The following MEGF10 variants were observed in gnomAD, a reference collection of about 807,000 sequenced individuals.
The protein encoded by MEGF10 is multiple epidermal growth factor-like domains protein 10.
In MEGF10, 86 loss-of-function variants were observed where a neutral mutation model predicts 147.5. The ratio of observed to expected loss-of-function variants is 0.58; its 90% CI spans 0.49 to 0.70. The LOEUF is 0.70. Among genes scored for constraint, MEGF10 ranks in the 30% least tolerant of loss-of-function variants. The pLI is 0.00. For synonymous variants in MEGF10, 478 were observed against 525.5 expected (o/e 0.91, Z 1.24); for missense variants, 1,329 against 1,487.3 (o/e 0.89, Z 1.75).
chr5:127,300,085 C>G lies in MEGF10; in HGVS notation c.-19+9029C>G, dbSNP rs889074851. The G allele has an allele frequency of 2.0e-5, 3 of 152,286 alleles. No homozygotes were observed. The East Asian group carries it at 5.8e-4, about 29-fold the overall frequency. 9.4% of individuals were successfully genotyped at this position (152,286 alleles called of 1,614,324 possible). A position where few individuals can be genotyped will look rare whatever the true frequency, so the allele number is the denominator to read the frequency against. ...TTTTCTTCATTATGTTTTCATTCCC[C>G]CCCTCTGTTACAGTTTGTTTCTTCT... On this transcript the variant is annotated intron_variant, in intron 1 of 24. Coordinates refer to ENST00000503335, the MANE Select transcript of MEGF10 (RefSeq NM_001256545.2).
At chr5:127,253,797 A>C in the MEGF10 span, among the ~76,000 whole-genome samples, 5 of 152,084 alleles carry the variant, frequency 3.3e-5, no homozygotes. Flanking sequence ...GAGAATAGAA[A>C]AGAAGTCTCA....
chr5:127,378,797 C>G (rs981659367), intron 5 of MEGF10, among the ~76,000 whole-genome samples: 1 of 152,040 alleles, frequency 6.6e-6, no homozygotes, highest in Admixed American at 6.5e-5. Context: ...TCCACAGTTG[C>G]TTGCCACAAG....
chr5:127,363,458 T>G (rs1425173717), intron 4 of MEGF10, among the ~76,000 whole-genome samples: 5 of 152,214 alleles, frequency 3.3e-5, no homozygotes, highest in African/African-American at 1.2e-4. Context: ...TTCAGCCATG[T>G]CTTCACACCG....
At chr5:127,419,865 G>A (rs1561635739) in intron 11 of MEGF10, among the ~76,000 whole-genome samples, 179 bp from the exon 12 acceptor site, 1 of 152,274 alleles carries the variant, frequency 6.6e-6, no homozygotes, top group East Asian at 1.9e-4. Context: ...TGGGTCGTCA[G>A]GGGTGCCTTC....
chr5:127,309,335 G>A (rs918962116), intron 1 of MEGF10, among the ~76,000 whole-genome samples: 10 of 152,118 alleles, frequency 6.6e-5, no homozygotes, highest in African/African-American at 2.4e-4. Flanking sequence ...GTGGTTCTGT[G>A]GCATTTTAAA....
At chr5:127,351,257 T>G (rs772721003) in intron 4 of MEGF10, among the ~76,000 whole-genome samples, 2 of 152,134 alleles carry the variant, frequency 1.3e-5, no homozygotes, top group African/African-American at 2.4e-5. Flanking sequence ...AAAGAGAAAA[T>G]AAATCATTCA....
chr5:127,297,010 A>C (rs1174789828), intron 1 of MEGF10, among the ~76,000 whole-genome samples: 1 of 152,122 alleles, frequency 6.6e-6, no homozygotes, highest in Non-Finnish European at 1.5e-5. Context: ...CTTGTTGCCC[A>C]GGCTGGAGTG....
the MEGF10 span, among the ~76,000 whole-genome samples, chr5:127,233,486 C>G: frequency 0.47 from 70,848 of 152,136 alleles, 16,891 homozygotes; most frequent in Middle Eastern, 0.56. Context: ...TGAAGTAAGG[C>G]GGCAATTAGC....
At chr5:127,283,989 A>T in the MEGF10 span, among the ~76,000 whole-genome samples, 2 of 152,338 alleles carry the variant, frequency 1.3e-5, no homozygotes, top group South Asian at 4.1e-4. Context: ...GATTGCCTTA[A>T]ATCTGTGAAG....
At chr5:127,258,691 C>T in the MEGF10 span, among the ~76,000 whole-genome samples, 16 of 152,260 alleles carry the variant, frequency 1.1e-4, no homozygotes, top group Admixed American at 4.6e-4. Flanking sequence ...CCCTAATGAA[C>T]GGACTAATGC....
intron 1 of MEGF10, among the ~76,000 whole-genome samples, chr5:127,292,754 C>A (rs1759318735): frequency 6.6e-6 from 1 of 152,150 alleles, no homozygotes; most frequent in Non-Finnish European, 1.5e-5. Flanking sequence ...CCTTGGAAAT[C>A]CTTTACATTA....
chr5:127,286,114 A>T (rs1258010824), upstream of MEGF10, among the ~76,000 whole-genome samples: 1 of 152,072 alleles, frequency 6.6e-6, no homozygotes, highest in Non-Finnish European at 1.5e-5. Context: ...TGATCTTTTG[A>T]AGGTAGAAAG....
At chr5:127,387,383 G>A (rs114168153) in intron 5 of MEGF10, among the ~76,000 whole-genome samples, 3,108 of 152,188 alleles carry the variant, frequency 0.02, 52 homozygotes, top group Non-Finnish European at 0.03. Context: ...GACATGATAG[G>A]ATATTCCTTA....
chr5:127,235,052 G>T, the MEGF10 span, among the ~76,000 whole-genome samples: 1 of 151,986 alleles, frequency 6.6e-6, no homozygotes, highest in Admixed American at 6.6e-5. Context: ...TACCATGTTG[G>T]CCAGACTGGT....
the MEGF10 span, among the ~76,000 whole-genome samples, chr5:127,275,627 C>T: frequency 6.6e-6 from 1 of 152,184 alleles, no homozygotes. Flanking sequence ...ACTAAAAATA[C>T]CTCCAGAACT....
the MEGF10 span, among the ~76,000 whole-genome samples, chr5:127,260,064 G>A: frequency 1.3e-5 from 2 of 152,036 alleles, no homozygotes; most frequent in Non-Finnish European, 2.9e-5. Flanking sequence ...GGCTGAGGCA[G>A]GAGAATCACT....
At chr5:127,418,181 A>G (rs1404876466) in intron 10 of MEGF10, among the ~76,000 whole-genome samples, 1 of 152,232 alleles carries the variant, frequency 6.6e-6, no homozygotes, top group African/African-American at 2.4e-5. Context: ...CAAAATTTGA[A>G]GACACATCGA....
the MEGF10 span, among the ~76,000 whole-genome samples, chr5:127,233,436 A>C: frequency 2.0e-5 from 3 of 152,222 alleles, no homozygotes. Context: ...AAGCAGGTGT[A>C]GTAGGTCATT....
chr5:127,343,780 G>A (rs531393971), intron 4 of MEGF10, among the ~76,000 whole-genome samples: 12 of 151,688 alleles, frequency 7.9e-5, no homozygotes, highest in African/African-American at 1.7e-4. Context: ...GGGAGACCCC[G>A]TCTCTTAAAA....
Sources: allele counts gnomAD v4.1 joint callset (sites outside exome capture counted in the v4.1 genomes callset), GRCh38; gene constraint gnomAD v4.1.1; transcripts MANE v1.5; gene names NCBI Gene and HGNC (gene_info 2026-07-23, HGNC 2026-07-21).